The following ZDHHC16 variants were observed in gnomAD, a reference collection of about 807,000 sequenced individuals.
ZDHHC16 encodes the protein zDHHC palmitoyltransferase 16.
Under a neutral mutation model 54.4 loss-of-function variants are expected in ZDHHC16, and 33 were observed. That is an observed-to-expected ratio of 0.61 (90% CI 0.46 to 0.81). The LOEUF (loss-of-function observed/expected upper bound fraction) is 0.81. ZDHHC16 is among the 30% of genes least tolerant of loss of function. The probability of loss-of-function intolerance (pLI) is 0.00; values close to 1 mark genes in which losing one functional copy is unlikely to be tolerated. For synonymous variants in ZDHHC16, 185 were observed against 182.1 expected (o/e 1.02, Z -0.13); for missense variants, 420 against 485.9 (o/e 0.86, Z 1.28).
Position 97,455,684 on chromosome 10 carries a change from CCTAA to C in ZDHHC16, c.852_855del (p.Thr285TyrfsTer74). The C allele has an allele frequency of 6.2e-7, 1 of 1,614,146 alleles. No individual in the cohort carries two copies. The highest frequency in any genetic ancestry group is 8.5e-7 in the Non-Finnish European group (1 of 1,180,034). On this transcript the variant is annotated frameshift_variant, in exon 10 of 12. Transcript: ENST00000393760. LOFTEE classifies it high-confidence loss of function. ...GTTCTGTGGCACTTGCCCTGGGTGC[CCTAA>C]CTGTATGGCATGCTGTTCTCATCAG...
At position 97,452,080 on chromosome 10, in the gene ZDHHC16, G is replaced by T. The variant is rs1185592205; in HGVS notation, c.244-10G>T. The T allele has an allele frequency of 6.2e-7, 1 of 1,613,720 alleles. No individual in the cohort carries two copies. The highest frequency in any genetic ancestry group is 1.1e-5 in the South Asian group (1 of 91,088). ...GCGCCATGTCTCCCTGACCTTGCTG[G>T]TGTTGGCAGGTGTTCGTGGTCCTGG... On this transcript the variant is annotated splice_polypyrimidine_tract_variant and intron_variant, in intron 3 of 11. Coordinates refer to ENST00000393760, the MANE Select transcript of ZDHHC16 (RefSeq NM_198046.3).
At position 97,451,768 on chromosome 10, in the gene ZDHHC16, A is replaced by G. The variant is rs1036206655; in HGVS notation, c.93A>G (p.Leu31=). The G allele has an allele frequency of 6.2e-6, 10 of 1,613,800 alleles. No individual in the cohort carries two copies. Among genetic ancestry groups the G allele is most frequent in the Non-Finnish European group, 8.5e-6 (10 of 1,179,972 alleles). ...GTTACAGGCGCCGCTGTCCACCTCT[A>G]CTCCGGGGTCTAGTACAGCGCTGGC... is the stretch of plus-strand genomic sequence containing the variant. ...LLGYRRRCPP[L]LRGLVQRWRY... Residue 31 remains leucine, a synonymous_variant, in exon 3 of 12, where the codon CTA becomes CTG. Coordinates refer to ENST00000393760, the MANE Select transcript of ZDHHC16 (RefSeq NM_198046.3).
chr10:97,455,804 G>A (rs111820338), intron 10 of ZDHHC16, 21 bp downstream of exon 10: 71 of 1,610,564 alleles, frequency 4.4e-5, no homozygotes, highest in African/African-American at 2.5e-4. Context: ...TTGAAGGCTC[G>A]GGGTGGGTAG....
In ZDHHC16 at chr10:97,455,965, T is replaced by C. The variant is rs200975188; in HGVS notation, c.949-9T>C. ...GAAGTTCAAAGAAACATGTTTTTCT[T>C]GGCTCCAGGTATTTAGGAATCCTTA... On this transcript the variant is annotated splice_polypyrimidine_tract_variant and intron_variant, in intron 10 of 11. Transcript: ENST00000393760. The C allele has an allele frequency of 2.6e-3, 4,186 of 1,613,758 alleles. 10 individuals carry two copies. Among genetic ancestry groups the C allele is most frequent in the Non-Finnish European group, 3.1e-3 (3,641 of 1,179,858 alleles).
intron 2 of ZDHHC16, among the ~76,000 whole-genome samples, chr10:97,451,407 G>C (rs1046904291): frequency 3.3e-5 from 5 of 152,344 alleles, no homozygotes; most frequent in South Asian, 2.1e-4. Flanking sequence ...CCTTGGATTT[G>C]CTATGCAACC....
rs373955268 is a variant in ZDHHC16 at position 97,453,801 on chromosome 10, A to C, written c.693A>C (p.Lys231Asn). 2 of 1,614,052 alleles carry C rather than the reference A, an allele frequency of 1.2e-6. No individual in the cohort carries two copies. Among genetic ancestry groups the C allele is most frequent in the African/African-American group, 2.7e-5 (2 of 74,914 alleles). The change falls in exon 8 of 12, where the codon AAA (lysine) becomes AAC (asparagine). Residue 231 changes from lysine (K) to asparagine (N), a missense_variant and splice_region_variant. Physicochemically the swap from Lys to Asn is moderately conservative, Grantham distance 94. Coordinates refer to ENST00000393760, the MANE Select transcript of ZDHHC16 (RefSeq NM_198046.3). Reference sequence around the variant, plus strand: ...AGCACTGTTTTCCGTCCCCTTAGAAAATGAAACAGCTCGACAAGAACAAAC... The same window carrying C: ...AGCACTGTTTTCCGTCCCCTTAGAACATGAAACAGCTCGACAAGAACAAAC... ...LFREAYAAIE[K>N]MKQLDKNKLQ...
Position 97,453,786 on chromosome 10 carries a change from TCCGTCC to T in ZDHHC16, c.691-10_691-5del. 2 of 1,614,226 alleles carry T rather than the reference TCCGTCC, an allele frequency of 1.2e-6. No individual in the cohort carries two copies. The highest frequency in any genetic ancestry group is 4.5e-5 in the East Asian group (2 of 44,882). ...CCTGAGAGTATAACCAGCACTGTTT[TCCGTCC>T]CCTTAGAAAATGAAACAGCTCGACA... On this transcript the variant is annotated splice_polypyrimidine_tract_variant and splice_region_variant and intron_variant, in intron 7 of 11. Transcript: ENST00000393760.
At position 97,449,990 on chromosome 10, in the gene ZDHHC16, G is replaced by A. The variant is rs553168784; in HGVS notation, c.-185-367G>A. On this transcript the variant is annotated intron_variant, in intron 1 of 11. Transcript: ENST00000393760. ...GGGTTCACGCCATTCTCCTGCCTCAGCCTCCCGAGTAGCTGGGACTACAGG... is the reference window on the plus strand; with the variant it reads ...GGGTTCACGCCATTCTCCTGCCTCAACCTCCCGAGTAGCTGGGACTACAGG... 4.7e-5 allele frequency among the ~76,000 whole-genome samples: 7 copies of A among 149,300 alleles called. No homozygotes were observed. The South Asian group carries it at 1.5e-3, about 32-fold the overall frequency.
chr10:97,452,095 C>A lies in ZDHHC16; in HGVS notation c.249C>A (p.Phe83Leu). 2 of 1,613,742 alleles carry A rather than the reference C, an allele frequency of 1.2e-6. No individual in the cohort carries two copies. Among genetic ancestry groups the A allele is most frequent in the Non-Finnish European group, 8.5e-7 (1 of 1,180,020 alleles). ...DNVIRWFGVV[F>L]VVLVIVLTGS... ...GACCTTGCTGGTGTTGGCAGGTGTT[C>A]GTGGTCCTGGTGATCGTGCTGACAG... Residue 83 changes from phenylalanine (F) to leucine (L), a missense_variant, in exon 4 of 12, where the codon TTC (phenylalanine) becomes TTA (leucine). By Grantham distance (22) the Phe-to-Leu change is conservative. Coordinates refer to ENST00000393760, the MANE Select transcript of ZDHHC16 (RefSeq NM_198046.3).
Position 97,456,015 on chromosome 10 carries a change from GA to G in ZDHHC16, c.992del (p.Lys331ArgfsTer29). 1 of 1,614,174 alleles carries G rather than the reference GA, an allele frequency of 6.2e-7. No homozygotes were observed. The highest frequency in any genetic ancestry group is 8.5e-7 in the Non-Finnish European group (1 of 1,180,010). Reference protein sequence around the residue: ...PYNYGCLDNWKVFLGVDTGRH... With the variant: ...PYNYGCLDNWXVFLGVDTGRH... ...ACAACTACGGCTGCTTGGACAACTG[GA>G]AGGTATTCCTGGGTGTGGATACAGG... On this transcript the variant is annotated frameshift_variant, in exon 11 of 12. Coordinates refer to ENST00000393760, the MANE Select transcript of ZDHHC16 (RefSeq NM_198046.3). LOFTEE classifies it high-confidence loss of function.
At chr10:97,454,237 C>A (rs113411465) in intron 8 of ZDHHC16, among the ~76,000 whole-genome samples, 3,161 of 152,290 alleles carry the variant, frequency 0.021, 105 homozygotes, top group African/African-American at 0.072. Context: ...CCCTGCCCCC[C>A]CAGTACCTTT....
rs753378619 is a variant in ZDHHC16 at position 97,452,393 on chromosome 10, G to A, written c.439-22G>A. 2.0e-5 allele frequency: 33 copies of A among 1,613,428 alleles called. No individual in the cohort carries two copies. In the Admixed American group the frequency reaches 4.2e-4, roughly 20 times the overall value. On this transcript the variant is annotated intron_variant, in intron 4 of 11. Transcript: ENST00000393760. ...TGAGAGACAGAACTGGTGCTGCCAC[G>A]TTATGCTCTCCCTTCACACAGGGCA...
chr10:97,454,613 T>C, intron 8 of ZDHHC16, 101 bp from the exon 9 acceptor site: 1 of 1,129,900 alleles, frequency 8.9e-7, no homozygotes, highest in Non-Finnish European at 1.3e-6. Flanking sequence ...TACCCTGTTT[T>C]CTCTGCCTGG....
intron 8 of ZDHHC16, 92 bp downstream of exon 8, chr10:97,453,938 TAGAGGCTGCCG>T: frequency 1.3e-6 from 2 of 1,568,748 alleles, no homozygotes; most frequent in Non-Finnish European, 8.7e-7. Context: ...CATGTAGTTG[TAGAGGCTGCCG>T]AGAGGCCACT....
intron 9 of ZDHHC16, 140 bp from the exon 10 acceptor site, chr10:97,455,520 T>C: frequency 1.4e-6 from 2 of 1,394,326 alleles, no homozygotes; most frequent in African/African-American, 2.9e-5. Flanking sequence ...AGTAAAAGTT[T>C]ATCTAGGATA....
intron 2 of ZDHHC16, 134 bp downstream of exon 2, chr10:97,450,670 A>G (rs1589497954): frequency 6.6e-6 from 1 of 152,270 alleles, no homozygotes; most frequent in Admixed American, 6.5e-5. Context: ...TGGCTGTTGC[A>G]TGAGGTAGAA....
In ZDHHC16 at chr10:97,453,784, T is replaced by TTTCCG; in HGVS notation, c.691-13_691-9dup. 6.2e-7 allele frequency: 1 copy of TTTCCG among 1,614,216 alleles called. No individual in the cohort carries two copies. Among genetic ancestry groups the TTTCCG allele is most frequent in the Non-Finnish European group, 8.5e-7 (1 of 1,180,036 alleles). ...GGCCTGAGAGTATAACCAGCACTGT[T>TTTCCG]TTCCGTCCCCTTAGAAAATGAAACA... On this transcript the variant is annotated splice_polypyrimidine_tract_variant and intron_variant, in intron 7 of 11. Coordinates refer to ENST00000393760, the MANE Select transcript of ZDHHC16 (RefSeq NM_198046.3).
At chr10:97,456,499 A>T (rs1007889335) in intron 11 of ZDHHC16, 3 of 326,514 alleles carry the variant, frequency 9.2e-6, no homozygotes, top group Non-Finnish European at 1.1e-5. Context: ...AGATGAACAG[A>T]CGTGCCTTCC....
rs570098231 is a variant in ZDHHC16 at position 97,447,229 on chromosome 10, CTT to C, written c.-186+878_-186+879del. 1.5e-4 allele frequency among the ~76,000 whole-genome samples: 23 copies of C among 152,346 alleles called. No individual in the cohort carries two copies. In the South Asian group the frequency reaches 4.1e-3, roughly 27 times the overall value. On this transcript the variant is annotated intron_variant, in intron 1 of 11. Coordinates refer to ENST00000393760, the MANE Select transcript of ZDHHC16 (RefSeq NM_198046.3). ...GTCTGCACATGAATAAAATGCTACT[CTT>C]TATTGATGTTGGGTATCTCCTACTT...
Sources: allele counts gnomAD v4.1 joint callset (sites outside exome capture counted in the v4.1 genomes callset), GRCh38; gene constraint gnomAD v4.1.1; transcripts MANE v1.5; gene names NCBI Gene and HGNC (gene_info 2026-07-23, HGNC 2026-07-21).